Variants in UNC13A observed in about 807,000 individuals in gnomAD.
The protein encoded by UNC13A is protein unc-13 homolog A.
UNC13A carries 61 observed loss-of-function variants against 219.7 expected under a neutral mutation model. The observed-to-expected ratio is 0.28, with a 90% CI of 0.23 to 0.34. The LOEUF is 0.34. Ranked by LOEUF, UNC13A falls within the 10% of genes least tolerant of loss-of-function variation. The probability of loss-of-function intolerance (pLI) is 1.00; values close to 1 mark genes in which losing one functional copy is unlikely to be tolerated. For missense variants in UNC13A, 1,476 were observed against 2,270.3 expected (o/e 0.65, Z 7.11); for synonymous variants, 920 against 884.6 (o/e 1.04, Z -0.71).
intron 26 of UNC13A, among the ~76,000 whole-genome samples, chr19:17,635,194 T>C (rs949127108): frequency 1.3e-5 from 2 of 151,804 alleles, no homozygotes; most frequent in African/African-American, 2.4e-5. Flanking sequence ...AAAGATAGGG[T>C]TTCACCATGT....
chr19:17,639,005 C>T (rs1222769959), intron 25 of UNC13A, 78 bp downstream of exon 25: 31 of 1,450,434 alleles, frequency 2.1e-5, no homozygotes, highest in African/African-American at 5.7e-5. Context: ...TTAAATCCCT[C>T]GGGAAGGGGC....
At chr19:17,673,418 G>A (rs1019301988) in intron 3 of UNC13A, among the ~76,000 whole-genome samples, 4 of 144,808 alleles carry the variant, frequency 2.8e-5, no homozygotes, top group Admixed American at 7.0e-5. Context: ...GGGATTGGTG[G>A]CTCCTGGCTC....
At chr19:17,641,639 A>G (rs2076971437) in intron 20 of UNC13A, 83 bp from the exon 21 acceptor site, 1 of 1,381,232 alleles carries the variant, frequency 7.2e-7, no homozygotes, top group Non-Finnish European at 1.0e-6. Context: ...GGCAGCTTAC[A>G]TCATCCATCT....
chr19:17,687,704 C>A (rs147528215), intron 1 of UNC13A, among the ~76,000 whole-genome samples: 1 of 151,996 alleles, frequency 6.6e-6, no homozygotes, highest in East Asian at 1.9e-4. Flanking sequence ...GCTTGGAGAA[C>A]CCTCCCACCG....
chr19:17,659,191 C>T (rs1026076126), intron 8 of UNC13A, among the ~76,000 whole-genome samples: 2 of 152,116 alleles, frequency 1.3e-5, no homozygotes, highest in African/African-American at 4.8e-5. Flanking sequence ...ACCTGTAATC[C>T]CAGCACTTTG....
In UNC13A at chr19:17,656,163, C is replaced by A; in HGVS notation, c.1003G>T (p.Glu335Ter). The A allele has an allele frequency of 6.4e-7, 1 of 1,552,330 alleles. No individual in the cohort carries two copies. The change falls in exon 10 of 44, where the codon GAG (glutamate) becomes TAG (stop). Residue 335 changes from glutamate to a stop codon, truncating the protein, a stop_gained. Coordinates refer to ENST00000519716, the MANE Select transcript of UNC13A (RefSeq NM_001080421.3). LOFTEE classifies it high-confidence loss of function. Reference protein sequence around the residue: ...EEDLEDFLEEEELPEDEEELE... With the variant: ...EEDLEDFLEE ...TCCTCCTCATCTTCAGGCAGCTCCTCCTCCTCCAGGAAGTCCTCCAGGTCC... is the reference window on the plus strand; with the variant it reads ...TCCTCCTCATCTTCAGGCAGCTCCTACTCCTCCAGGAAGTCCTCCAGGTCC...
chr19:17,631,419 AT>A (rs928850934), intron 28 of UNC13A, among the ~76,000 whole-genome samples: 2 of 150,534 alleles, frequency 1.3e-5, no homozygotes, highest in Non-Finnish European at 3.0e-5. Flanking sequence ...TAGAGACAGG[AT>A]TTCCCTGTGT....
In UNC13A at chr19:17,668,169, C is replaced by T. The variant is rs763300244; in HGVS notation, c.416G>A (p.Arg139His). ...CTGCTCCAGCTTCTTGGCCCAGTAG[C>T]GAGCCTCCTCTTCAGGAATGTCTGC... ...LPLDIPEEEA[R>H]YWAKKLEQLN... is the part of the protein sequence containing the mutation. The change falls in exon 6 of 44, where the codon CGC becomes CAC. Residue 139 changes from arginine (R) to histidine (H), a missense_variant. Physicochemically the swap from Arg to His is conservative, Grantham distance 29. Coordinates refer to ENST00000519716, the MANE Select transcript of UNC13A (RefSeq NM_001080421.3). The T allele has an allele frequency of 1.5e-5, 25 of 1,613,590 alleles. No individual in the cohort carries two copies. Among genetic ancestry groups the T allele is most frequent in the South Asian group, 6.6e-5 (6 of 91,050 alleles).
intron 37 of UNC13A, among the ~76,000 whole-genome samples, chr19:17,621,206 A>C (rs1379293230): frequency 6.6e-6 from 1 of 152,098 alleles, no homozygotes; most frequent in African/African-American, 2.4e-5. Context: ...TATATCACAC[A>C]CAAAAACCCA....
chr19:17,656,472 T>C, intron 9 of UNC13A, 74 bp from the exon 10 acceptor site: 1 of 1,379,204 alleles, frequency 7.3e-7, no homozygotes, highest in South Asian at 1.5e-5. Context: ...CACACAGGCA[T>C]TGACTCATCA....
At chr19:17,680,623 C>T (rs183824350) in intron 1 of UNC13A, among the ~76,000 whole-genome samples, 1 of 152,254 alleles carries the variant, frequency 6.6e-6, no homozygotes, top group African/African-American at 2.4e-5. Flanking sequence ...GTTTCTGCAT[C>T]TGGAAAATGG....
intron 23 of UNC13A, 138 bp downstream of exon 23, chr19:17,639,702 T>C (rs1387011593): frequency 1.7e-6 from 2 of 1,168,090 alleles, no homozygotes; most frequent in Non-Finnish European, 2.5e-6. Context: ...GTAGTGCCCA[T>C]GCAGGTGCAC....
chr19:17,612,415 A>G (rs1160946972), intron 41 of UNC13A, among the ~76,000 whole-genome samples: 1 of 152,130 alleles, frequency 6.6e-6, no homozygotes, highest in Non-Finnish European at 1.5e-5. Context: ...TACATCCAGA[A>G]GCAGAGCCAT....
chr19:17,606,390 A>G, intron 43 of UNC13A, 36 bp from the exon 44 acceptor site: 1 of 1,532,790 alleles, frequency 6.5e-7, no homozygotes, highest in South Asian at 1.2e-5. Flanking sequence ...GACAGGCCAC[A>G]CCTACTGTGA....
intron 4 of UNC13A, 32 bp from the exon 5 acceptor site, chr19:17,669,708 G>A: frequency 6.3e-7 from 1 of 1,584,206 alleles, no homozygotes. Flanking sequence ...GTGTGGGTCA[G>A]GAATCTGCTG....
intron 37 of UNC13A, 130 bp from the exon 38 acceptor site, chr19:17,620,852 A>G: frequency 9.6e-7 from 1 of 1,044,298 alleles, no homozygotes. Context: ...TCCTGGGTCT[A>G]ATGGTGGGCC....
intron 17 of UNC13A, among the ~76,000 whole-genome samples, 184 bp from the exon 18 acceptor site, chr19:17,646,295 T>C (rs1599372392): frequency 8.9e-6 from 1 of 112,882 alleles, no homozygotes; most frequent in Non-Finnish European, 2.0e-5. Flanking sequence ...TTGTTTGTTT[T>C]TGAGACAGAG....
chr19:17,652,484 G>A (rs1005031495), intron 12 of UNC13A, 147 bp downstream of exon 12: 2 of 925,786 alleles, frequency 2.2e-6, no homozygotes, highest in African/African-American at 3.3e-5. Flanking sequence ...TGTGCCTTAT[G>A]AAAGTGACGT....
chr19:17,617,684 CG>C lies in UNC13A; in HGVS notation c.4558+17del, dbSNP rs2076682095. 1.9e-6 allele frequency: 3 copies of C among 1,609,450 alleles called. No homozygotes were observed. The East Asian group carries it at 6.7e-5, about 36-fold the overall frequency. On this transcript the variant is annotated intron_variant, in intron 41 of 43. Transcript: ENST00000519716. ...CTCCGCGGAGCGGGAAAGGGTGATGCGGTCTGGGTACCCTTACCCTGGGCCG... is the reference window on the plus strand; with the variant it reads ...CTCCGCGGAGCGGGAAAGGGTGATGCGTCTGGGTACCCTTACCCTGGGCCG...
Sources: gnomAD v4.1 joint callset for allele counts (sites outside exome capture counted in the v4.1 genomes callset) on GRCh38, gnomAD v4.1.1 for gene constraint, MANE v1.5 for transcripts, NCBI Gene and HGNC (gene_info 2026-07-23, HGNC 2026-07-21) for gene names.